Variants in TMCC1 observed in about 807,000 individuals in gnomAD.
TMCC1 encodes transmembrane and coiled-coil domain family 1, also known as transmembrane and coiled-coil domains protein 1.
TMCC1 carries 15 observed loss-of-function variants against 52.4 expected under a neutral mutation model. That is an observed-to-expected ratio of 0.29 (90% CI 0.19 to 0.44). The LOEUF (loss-of-function observed/expected upper bound fraction) is 0.44, where lower values mean the gene tolerates loss of function less well. Ranked by LOEUF, TMCC1 falls within the 20% of genes least tolerant of loss-of-function variation. TMCC1 has a pLI of 1.00. For synonymous variants in TMCC1, 279 were observed against 301.9 expected (o/e 0.92, Z 0.79); for missense variants, 503 against 806.0 (o/e 0.62, Z 4.55).
At chr3:129,730,744 C>T (rs2050476403) in intron 4 of TMCC1, among the ~76,000 whole-genome samples, 1 of 152,112 alleles carries the variant, frequency 6.6e-6, no homozygotes. Context: ...TAGGGAATGC[C>T]TACAAAGAAC....
chr3:129,772,295 C>G (rs1414585114), intron 4 of TMCC1, among the ~76,000 whole-genome samples: 1 of 151,990 alleles, frequency 6.6e-6, no homozygotes, highest in Non-Finnish European at 1.5e-5. Flanking sequence ...GAGTCGAGGT[C>G]GTGCCACTGC....
At chr3:129,874,608 A>G (rs150663538) in intron 2 of TMCC1, among the ~76,000 whole-genome samples, 28 of 152,208 alleles carry the variant, frequency 1.8e-4, no homozygotes, top group African/African-American at 6.5e-4. Context: ...CATAATCCCA[A>G]CACTTTGCAA....
At chr3:129,715,139 G>T (rs1362143336) in intron 4 of TMCC1, among the ~76,000 whole-genome samples, 1 of 151,994 alleles carries the variant, frequency 6.6e-6, no homozygotes, top group East Asian at 1.9e-4. Context: ...TCTTACACAG[G>T]AGCTAGGACT....
intron 4 of TMCC1, among the ~76,000 whole-genome samples, chr3:129,784,553 G>C (rs1476087567): frequency 6.7e-6 from 1 of 149,104 alleles, no homozygotes; most frequent in Non-Finnish European, 1.5e-5. Flanking sequence ...GTGACAGAGC[G>C]AGACTCCGTC....
intron 4 of TMCC1, among the ~76,000 whole-genome samples, chr3:129,754,280 T>G (rs6789795): frequency 0.097 from 14,751 of 152,228 alleles, 845 homozygotes; most frequent in African/African-American, 0.16. Flanking sequence ...ACTGGAAGAC[T>G]CAATATTGCT....
intron 4 of TMCC1, among the ~76,000 whole-genome samples, chr3:129,695,096 CAAA>C (rs11291309): frequency 1.5e-3 from 53 of 35,216 alleles, no homozygotes; most frequent in African/African-American, 5.0e-3. Context: ...GACTCTGTCT[CAAA>C]AAAAAAAAAA....
At chr3:129,690,112 A>C (rs1253047447) in intron 4 of TMCC1, among the ~76,000 whole-genome samples, 1 of 152,194 alleles carries the variant, frequency 6.6e-6, no homozygotes. Flanking sequence ...AACCGCTATT[A>C]CCACTGTGAT....
rs573212261 is a variant in TMCC1, at chr3:129,785,396, G to C, written c.576+42407C>G. Among the ~76,000 whole-genome samples, 170 of 152,184 alleles carry C rather than the reference G, an allele frequency of 1.1e-3. 1 individual carries two copies. Among genetic ancestry groups the C allele is most frequent in the African/African-American group, 3.9e-3 (163 of 41,520 alleles). ...AATTTCTTGAAGTCCCAAAGGTTGG[G>C]TGTTATCTAAATACAGTGATCAATA... is the stretch of plus-strand genomic sequence containing the variant. On this transcript the variant is annotated intron_variant, in intron 4 of 6. Coordinates refer to ENST00000393238, the MANE Select transcript of TMCC1 (RefSeq NM_001017395.5).
At position 129,827,638 on chromosome 3, in the gene TMCC1, C is replaced by T. The variant is rs2058713660; in HGVS notation, c.576+165G>A. 4 of 718,932 alleles carry T rather than the reference C, an allele frequency of 5.6e-6. No individual in the cohort carries two copies. The Admixed American group carries it at 1.0e-4, about 19-fold the overall frequency. The allele number at this position is 718,932 out of a possible 1,614,324, so 44.5% of individuals were successfully genotyped here. A position where few individuals can be genotyped will look rare whatever the true frequency, so the allele number is the denominator to read the frequency against. Reference sequence around the variant, plus strand: ...AGGAATATAATTCTAAGCATTCATTCATTAGCTATAATTATTATTTACCCA... The same window carrying T: ...AGGAATATAATTCTAAGCATTCATTTATTAGCTATAATTATTATTTACCCA... On this transcript the variant is annotated intron_variant, in intron 4 of 6. Coordinates refer to ENST00000393238, the MANE Select transcript of TMCC1 (RefSeq NM_001017395.5).
Position 129,670,422 on chromosome 3 carries a change from C to T in TMCC1, c.1419G>A (p.Gln473=). ...TCTCAAAGGATTCCTCTAGTCTGGC[C>T]TGGGTTTCCCGGATCTCCTGGATCT... ...LHEIQEIRET[Q]ARLEESFETL... is the part of the protein sequence containing the mutation. The change falls in exon 5 of 7, where the codon CAG becomes CAA. Residue 473 remains glutamine, a synonymous_variant. Transcript: ENST00000393238. 2 of 1,614,206 alleles carry T rather than the reference C, an allele frequency of 1.2e-6. No individual in the cohort carries two copies. The highest frequency in any genetic ancestry group is 1.7e-6 in the Non-Finnish European group (2 of 1,180,028).
chr3:129,827,090 T>G (rs187324883), intron 4 of TMCC1, among the ~76,000 whole-genome samples: 124 of 152,300 alleles, frequency 8.1e-4, no homozygotes, highest in Admixed American at 2.0e-3. Context: ...ACTCCTCAGT[T>G]TGTCCAAGCT....
intron 5 of TMCC1, among the ~76,000 whole-genome samples, chr3:129,664,573 T>G (rs1351553496): frequency 1.3e-5 from 2 of 152,162 alleles, no homozygotes; most frequent in Non-Finnish European, 2.9e-5. Context: ...CCCCTTCAAA[T>G]ACAAGCTTTC....
rs779819455 is a variant in TMCC1, at chr3:129,743,572, G to A, written c.577-72308C>T. Among the ~76,000 whole-genome samples, 17 of 152,158 alleles carry A rather than the reference G, an allele frequency of 1.1e-4. 1 individual carries two copies. Among genetic ancestry groups the A allele is most frequent in the Non-Finnish European group, 1.9e-4 (13 of 67,986 alleles). On this transcript the variant is annotated intron_variant, in intron 4 of 6. Coordinates refer to ENST00000393238, the MANE Select transcript of TMCC1 (RefSeq NM_001017395.5). ...GGGTTGTAGTAACATTATACAAATG[G>A]CACCATGGAATATGCATGACTGATA...
At chr3:129,695,750 G>A (rs573511484) in intron 4 of TMCC1, among the ~76,000 whole-genome samples, 2 of 152,146 alleles carry the variant, frequency 1.3e-5, no homozygotes, top group Admixed American at 6.5e-5. Flanking sequence ...TTCTGCCCCT[G>A]ACCCCTCCCA....
At chr3:129,763,115 G>A (rs373754014) in intron 4 of TMCC1, among the ~76,000 whole-genome samples, 11 of 149,982 alleles carry the variant, frequency 7.3e-5, no homozygotes, top group East Asian at 5.9e-4. Context: ...GGAGAATGGC[G>A]TGAACCCGGG....
chr3:129,803,222 A>G (rs1328846186), intron 4 of TMCC1, among the ~76,000 whole-genome samples: 1 of 152,266 alleles, frequency 6.6e-6, no homozygotes, highest in African/African-American at 2.4e-5. Context: ...AACAACATGA[A>G]TGAACCTTGA....
intron 4 of TMCC1, among the ~76,000 whole-genome samples, chr3:129,792,437 T>A (rs944649965): frequency 6.6e-6 from 1 of 151,996 alleles, no homozygotes; most frequent in Non-Finnish European, 1.5e-5. Context: ...AGCCTCTGCC[T>A]CCTGGGTTCA....
chr3:129,804,927 G>A (rs1324268587), intron 4 of TMCC1, among the ~76,000 whole-genome samples: 1 of 152,098 alleles, frequency 6.6e-6, no homozygotes, highest in Non-Finnish European at 1.5e-5. Context: ...TTGGACAGAA[G>A]AATCTTTTAA....
chr3:129,726,350 C>T (rs1298730938), intron 4 of TMCC1, among the ~76,000 whole-genome samples: 1 of 151,680 alleles, frequency 6.6e-6, no homozygotes, highest in East Asian at 1.9e-4. Context: ...CTTTTGAGAT[C>T]ATCTGTGTTC....
Sources: gnomAD v4.1 joint callset for allele counts (sites outside exome capture counted in the v4.1 genomes callset) on GRCh38, gnomAD v4.1.1 for gene constraint, MANE v1.5 for transcripts, NCBI Gene and HGNC (gene_info 2026-07-23, HGNC 2026-07-21) for gene names.